The following ARMC1 variants were observed in gnomAD, a reference collection of about 807,000 sequenced individuals.
ARMC1 encodes the protein armadillo repeat containing 1, also known as armadillo repeat-containing protein 1.
ARMC1 carries 16 observed loss-of-function variants against 31.4 expected under a neutral mutation model. That is an observed-to-expected ratio of 0.51 (90% confidence interval 0.34 to 0.77). The LOEUF (loss-of-function observed/expected upper bound fraction) is 0.77. Among genes scored for constraint, ARMC1 ranks in the 30% least tolerant of loss-of-function variants. The probability of loss-of-function intolerance (pLI) is 0.01; values close to 1 mark genes in which losing one functional copy is unlikely to be tolerated. For missense variants in ARMC1, 259 were observed against 347.5 expected (o/e 0.75, Z 2.02); for synonymous variants, 114 against 118.9 (o/e 0.96, Z 0.27).
chr8:65,630,533 C>T (rs1808619611), intron 1 of ARMC1, among the ~76,000 whole-genome samples: 1 of 152,144 alleles, frequency 6.6e-6, no homozygotes, highest in African/African-American at 2.4e-5. Context: ...AACTTCCAAT[C>T]TTCAGCCAGG....
chr8:65,628,035 G>A (rs1421426817), intron 1 of ARMC1, among the ~76,000 whole-genome samples: 1 of 152,162 alleles, frequency 6.6e-6, no homozygotes, highest in Non-Finnish European at 1.5e-5. Flanking sequence ...ATCTGATTAT[G>A]CCATATTCTA....
chr8:65,614,241 C>A (rs899399805), intron 3 of ARMC1, among the ~76,000 whole-genome samples: 2 of 152,128 alleles, frequency 1.3e-5, no homozygotes, highest in African/African-American at 4.8e-5. Context: ...TATCATAAAA[C>A]CACAGCTCTA....
chr8:65,633,675 A>T (rs1433435709), intron 1 of ARMC1: 1 of 152,302 alleles, frequency 6.6e-6, no homozygotes, highest in Non-Finnish European at 1.5e-5. Flanking sequence ...CTCTTAGGAG[A>T]CACGCAGGTG....
chr8:65,632,587 T>C (rs908830982), intron 1 of ARMC1, among the ~76,000 whole-genome samples: 1 of 152,126 alleles, frequency 6.6e-6, no homozygotes, highest in Non-Finnish European at 1.5e-5. Flanking sequence ...CACTCCAGCC[T>C]GGGCAACAGA....
intron 3 of ARMC1, among the ~76,000 whole-genome samples, chr8:65,615,928 T>C (rs1229437681): frequency 7.9e-5 from 12 of 152,028 alleles, no homozygotes; most frequent in Admixed American, 7.9e-4. Flanking sequence ...ACTGTATTAT[T>C]GTTACTCCTT....
Position 65,613,370 on chromosome 8 carries a change from G to A in ARMC1, c.339C>T (p.Ser113=), listed in dbSNP as rs745851741. ...ASEIYDILQS[S]NMADGDSFNE... is the part of the protein sequence containing the mutation. The stretch of plus-strand genomic sequence containing the variant: ...TAAAACTATCACCATCTGCCATATT[G>A]GAGGACTGAAGAATGTCATAGATTT... The change falls in exon 4 of 7, where the codon TCC becomes TCT. Residue 113 remains serine (S), a synonymous_variant. Transcript: ENST00000276569. The A allele has an allele frequency of 1.2e-6, 2 of 1,611,286 alleles. No homozygotes were observed. The highest frequency in any genetic ancestry group is 8.5e-7 in the Non-Finnish European group (1 of 1,178,934).
chr8:65,619,544 A>C (rs1808347497), intron 3 of ARMC1, among the ~76,000 whole-genome samples: 1 of 151,872 alleles, frequency 6.6e-6, no homozygotes, highest in Admixed American at 6.6e-5. Flanking sequence ...CTCAAAAAGA[A>C]AAAAAAAGAA....
intron 3 of ARMC1, among the ~76,000 whole-genome samples, chr8:65,620,801 A>AAAAAAAAAAAAAAC (rs1808378389): frequency 6.6e-6 from 1 of 151,450 alleles, no homozygotes; most frequent in African/African-American, 2.4e-5. Flanking sequence ...GTTCCATTTA[A>AAAAAAAAAAAAAAC]AAAAAAACAC....
Position 65,629,798 on chromosome 8 carries a change from C to CA in ARMC1, c.-35-2366dup, listed in dbSNP as rs56044753. Among the ~76,000 whole-genome samples the CA allele has an allele frequency of 4.9e-3, 496 of 101,304 alleles. 3 individuals are homozygous for CA. Among genetic ancestry groups the CA allele is most frequent in the Admixed American group, 8.8e-3 (79 of 8,962 alleles). The allele number at this position is 101,304 out of a possible 152,430, so 66.5% of individuals were successfully genotyped here. A position where few individuals can be genotyped will look rare whatever the true frequency, so the allele number is the denominator to read the frequency against. ...TGGGCAACAGAGCAAGACTCCGTCT[C>CA]AAAAAAAAAAAAAAAAAAAATCAAA... On this transcript the variant is annotated intron_variant, in intron 1 of 6. Coordinates refer to ENST00000276569, the MANE Select transcript of ARMC1 (RefSeq NM_018120.6).
chr8:65,614,736 G>A (rs765461241), intron 3 of ARMC1, among the ~76,000 whole-genome samples: 28 of 152,046 alleles, frequency 1.8e-4, no homozygotes, highest in South Asian at 6.2e-4. Flanking sequence ...TATGTTCTTT[G>A]TTCTAGAATG....
chr8:65,610,150 T>G (rs1339778101), intron 4 of ARMC1, among the ~76,000 whole-genome samples: 2 of 151,850 alleles, frequency 1.3e-5, no homozygotes, highest in Non-Finnish European at 2.9e-5. Context: ...CAGGCTGGAG[T>G]GCAATGGCGC....
intron 1 of ARMC1, among the ~76,000 whole-genome samples, chr8:65,632,607 C>T (rs1563422952): frequency 6.6e-6 from 1 of 151,860 alleles, no homozygotes; most frequent in Non-Finnish European, 1.5e-5. Flanking sequence ...AGCGAGATAC[C>T]GTCTCAAAAT....
At chr8:65,612,506 G>T (rs562106872) in intron 4 of ARMC1, among the ~76,000 whole-genome samples, 38 of 152,196 alleles carry the variant, frequency 2.5e-4, no homozygotes, top group Non-Finnish European at 4.6e-4. Flanking sequence ...TTTTACAAAT[G>T]TGGGGGAAAT....
At chr8:65,625,452 CA>C (rs1808492849) in intron 2 of ARMC1, among the ~76,000 whole-genome samples, 1 of 152,188 alleles carries the variant, frequency 6.6e-6, no homozygotes, top group Admixed American at 6.5e-5. Flanking sequence ...CCTCAGTTAG[CA>C]AATCTTTCCT....
chr8:65,605,615 T>C, intron 4 of ARMC1, 77 bp from the exon 5 acceptor site: 1 of 1,037,966 alleles, frequency 9.6e-7, no homozygotes, highest in Non-Finnish European at 1.5e-6. Context: ...AGCTATATTT[T>C]GGAGGGGGGA....
At chr8:65,608,518 C>T (rs1035812705) in intron 4 of ARMC1, among the ~76,000 whole-genome samples, 5 of 151,600 alleles carry the variant, frequency 3.3e-5, no homozygotes, top group Admixed American at 2.0e-4. Context: ...AAAAGAGCAA[C>T]TCTGTCTCGA....
chr8:65,623,313 A>C (rs1197978401), intron 2 of ARMC1, among the ~76,000 whole-genome samples: 10 of 140,530 alleles, frequency 7.1e-5, no homozygotes, highest in Admixed American at 7.2e-5. Flanking sequence ...GTCTCAAAAA[A>C]AAAAAAAAAA....
Position 65,604,359 on chromosome 8 carries a change from G to A in ARMC1, c.*35C>T. The A allele has an allele frequency of 3.2e-6, 5 of 1,578,812 alleles. No homozygotes were observed. The highest frequency in any genetic ancestry group is 4.3e-6 in the Non-Finnish European group (5 of 1,159,264). ...CACAACAATGGAAAACTGGCCCCTT[G>A]TTGGTTCACACAGTCCTTGAGCCCA... On this transcript the variant is annotated 3_prime_UTR_variant, in exon 7 of 7. Transcript: ENST00000276569.
Position 65,627,327 on chromosome 8 carries a change from T to C in ARMC1, c.72A>G (p.Leu24=). The C allele has an allele frequency of 6.2e-7, 1 of 1,613,466 alleles. No individual in the cohort carries two copies. The highest frequency in any genetic ancestry group is 1.1e-5 in the South Asian group (1 of 91,010). ...CTCTTCTGTTTAACGGATCTGCTGCTAGATCCCGTAACTGGTTAACTACCG... is the reference window on the plus strand; with the variant it reads ...CTCTTCTGTTTAACGGATCTGCTGCCAGATCCCGTAACTGGTTAACTACCG... ...ALSVVNQLRD[L]AADPLNRRAI... is the part of the protein sequence containing the mutation. The change falls in exon 2 of 7, where the codon CTA becomes CTG. Residue 24 remains leucine (L), a synonymous_variant. Coordinates refer to ENST00000276569, the MANE Select transcript of ARMC1 (RefSeq NM_018120.6).
Sources: allele counts gnomAD v4.1 joint callset (sites outside exome capture counted in the v4.1 genomes callset), GRCh38; gene constraint gnomAD v4.1.1; transcripts MANE v1.5; gene names NCBI Gene and HGNC (gene_info 2026-07-23, HGNC 2026-07-21).